GATA4: variants seen among roughly 807,000 people sequenced by gnomAD.
GATA4 encodes GATA binding protein 4, also known as transcription factor GATA-4.
GATA4 carries 7 observed loss-of-function variants against 37.9 expected under a neutral mutation model. The ratio of observed to expected loss-of-function variants is 0.18; its 90% CI spans 0.11 to 0.35. The LOEUF (loss-of-function observed/expected upper bound fraction) is 0.35, where lower values mean the gene tolerates loss of function less well. GATA4 is among the 10% of genes least tolerant of loss of function. The pLI is 1.00. For missense variants in GATA4, 647 were observed against 653.0 expected, an observed-to-expected ratio of 0.99 and a Z score of 0.10; for synonymous variants, 372 against 292.6, an observed-to-expected ratio of 1.27 and a Z score of -2.77.
At chr8:11,735,911 A>G (rs1412640743) in intron 2 of GATA4, among the ~76,000 whole-genome samples, 1 of 132,072 alleles carries the variant, frequency 7.6e-6, no homozygotes, top group African/African-American at 4.2e-5. Context: ...GCCTGTTTGA[A>G]AAAAAAAATT....
rs955705458 is a variant in GATA4, at chr8:11,758,341, G to C, written c.1198G>C (p.Val400Leu). Reference sequence around the variant, plus strand: ...TGGCCATGGGCCCTCCATCCACCCTGTCCTCTCGGCCCTGAAGCTCTCCCC... The same window carrying C: ...TGGCCATGGGCCCTCCATCCACCCTCTCCTCTCGGCCCTGAAGCTCTCCCC... ...MSGHGPSIHP[V>L]LSALKLSPQG... Residue 400 changes from valine to leucine, a missense_variant, in exon 7 of 7, where the codon GTC (valine) becomes CTC (leucine). Physicochemically the swap from Val to Leu is conservative, Grantham distance 32. Transcript: ENST00000532059. The C allele has an allele frequency of 1.2e-6, 2 of 1,614,122 alleles. No individual in the cohort carries two copies. The highest frequency in any genetic ancestry group is 2.7e-5 in the African/African-American group (2 of 75,028).
intron 2 of GATA4, among the ~76,000 whole-genome samples, chr8:11,728,245 T>A (rs918914530): frequency 2.0e-5 from 3 of 152,232 alleles, no homozygotes; most frequent in Non-Finnish European, 4.4e-5. Context: ...GCCCTTGACC[T>A]CCCAAAGTGT....
At chr8:11,714,510 A>G (rs1800351689) in intron 2 of GATA4, among the ~76,000 whole-genome samples, 1 of 152,212 alleles carries the variant, frequency 6.6e-6, no homozygotes, top group Non-Finnish European at 1.5e-5. Context: ...ATCTTCAGGA[A>G]AACCAAAGTT....
intron 4 of GATA4, among the ~76,000 whole-genome samples, chr8:11,752,864 G>A (rs1248959176): frequency 6.6e-6 from 1 of 152,142 alleles, no homozygotes; most frequent in Non-Finnish European, 1.5e-5. Context: ...ATACAAGGAT[G>A]TTTGTTAATC....
rs1319608452 is a variant in GATA4 at position 11,749,276 on chromosome 8, A to C, written c.786+191A>C. On this transcript the variant is annotated intron_variant, in intron 3 of 6. Coordinates refer to ENST00000532059, the MANE Select transcript of GATA4 (RefSeq NM_001308093.3). This position sits in a 1 kb window ranked among gnomAD's most constrained non-coding sequence, Gnocchi z 4.6. Reference sequence around the variant, plus strand: ...CAGAATGATCCAGGCTGTCTAGTTCAACCTCTTCGGCACACAGAAACTGAA... The same window carrying C: ...CAGAATGATCCAGGCTGTCTAGTTCCACCTCTTCGGCACACAGAAACTGAA... Among the ~76,000 whole-genome samples, 1 of 152,248 alleles carries C rather than the reference A, an allele frequency of 6.6e-6. No individual in the cohort carries two copies. Among genetic ancestry groups the C allele is most frequent in the Non-Finnish European group, 1.5e-5 (1 of 68,052 alleles).
upstream of GATA4, among the ~76,000 whole-genome samples, chr8:11,688,526 A>G (rs952013130): frequency 2.7e-5 from 4 of 149,066 alleles, no homozygotes; most frequent in African/African-American, 1.0e-4. Context: ...GCGCGCATGC[A>G]CACACACACA....
At chr8:11,733,602 T>C (rs1801308913) in intron 2 of GATA4, among the ~76,000 whole-genome samples, 1 of 152,242 alleles carries the variant, frequency 6.6e-6, no homozygotes, top group Non-Finnish European at 1.5e-5. Context: ...GAGTAGAATG[T>C]AAGTGTTATG....
chr8:11,725,592 G>A (rs1386245839), intron 2 of GATA4, among the ~76,000 whole-genome samples: 1 of 152,192 alleles, frequency 6.6e-6, no homozygotes, highest in Non-Finnish European at 1.5e-5. Flanking sequence ...CGCAGGCTGG[G>A]GTGAGTCTTG....
chr8:11,694,171 G>T (rs1799432669), intron 1 of GATA4, among the ~76,000 whole-genome samples: 1 of 152,120 alleles, frequency 6.6e-6, no homozygotes, highest in Non-Finnish European at 1.5e-5. Flanking sequence ...GTTCATCCTT[G>T]TATCTACAAG....
At position 11,755,003 on chromosome 8, in the gene GATA4, C is replaced by A. The variant is rs138748973; in HGVS notation, c.913-43C>A. ...TGTCTTTCAATGCTGTAGCAGACTA[C>A]GCAGAAATGGAAAACCCTATATATT... On this transcript the variant is annotated intron_variant, in intron 4 of 6. Transcript: ENST00000532059. 5.4e-6 allele frequency: 8 copies of A among 1,474,796 alleles called. 1 individual carries two copies. Among genetic ancestry groups the A allele is most frequent in the South Asian group, 3.4e-5 (3 of 87,344 alleles). 91.4% of individuals were successfully genotyped at this position (1,474,796 alleles called of 1,614,324 possible).
At chr8:11,720,975 A>G (rs1300242868) in intron 2 of GATA4, among the ~76,000 whole-genome samples, 1 of 152,040 alleles carries the variant, frequency 6.6e-6, no homozygotes, top group African/African-American at 2.4e-5. Context: ...TGTTTCATCC[A>G]TCCACCAGCC....
chr8:11,745,540 C>T (rs1337351961), intron 2 of GATA4, among the ~76,000 whole-genome samples: 2 of 151,672 alleles, frequency 1.3e-5, no homozygotes, highest in Non-Finnish European at 2.9e-5. Context: ...GAGCCGAGAT[C>T]GCAGCACTGT....
intron 1 of GATA4, among the ~76,000 whole-genome samples, chr8:11,682,204 A>G (rs527868995): frequency 2.6e-5 from 4 of 152,350 alleles, no homozygotes; most frequent in Admixed American, 2.6e-4. Context: ...AGAATTTCTT[A>G]AATGTAGAAT....
At chr8:11,680,840 G>A (rs1798943274) in intron 1 of GATA4, 1 of 985,394 alleles carries the variant, frequency 1.0e-6, no homozygotes, top group African/African-American at 1.7e-5. Context: ...TGGGCAGCAA[G>A]ACACATAGCG....
At position 11,726,064 on chromosome 8, in the gene GATA4, C is replaced by T. The variant is rs540303092; in HGVS notation, c.616+17136C>T. Among the ~76,000 whole-genome samples, 25 of 152,338 alleles carry T rather than the reference C, an allele frequency of 1.6e-4. 1 individual carries two copies. In the South Asian group the frequency reaches 5.2e-3, roughly 32 times the overall value. On this transcript the variant is annotated intron_variant, in intron 2 of 6. Transcript: ENST00000532059. ...GGCAAGAATTATGCCACATTTCCTT[C>T]TGGGGTCCGGAATACCATCACCTGG...
intron 1 of GATA4, among the ~76,000 whole-genome samples, chr8:11,682,400 G>T (rs78139285): frequency 6.6e-6 from 1 of 152,102 alleles, no homozygotes; most frequent in Admixed American, 6.5e-5. Context: ...AGAACAATTC[G>T]TCTTTTTTGT....
intron 2 of GATA4, among the ~76,000 whole-genome samples, chr8:11,720,977 C>A: frequency 6.6e-6 from 1 of 152,082 alleles, no homozygotes; most frequent in Non-Finnish European, 1.5e-5. Context: ...TTTCATCCAT[C>A]CACCAGCCAA....
At chr8:11,691,801 C>T (rs961695230), upstream of GATA4, among the ~76,000 whole-genome samples, 1 of 152,150 alleles carries the variant, frequency 6.6e-6, no homozygotes, top group Non-Finnish European at 1.5e-5. Flanking sequence ...CCTCCCTCCT[C>T]TTTCTATGGC....
intron 2 of GATA4, among the ~76,000 whole-genome samples, chr8:11,717,065 G>T (rs576806524): frequency 6.6e-6 from 1 of 152,276 alleles, no homozygotes; most frequent in South Asian, 2.1e-4. Flanking sequence ...AGGCTCTGTT[G>T]GGAAGGAGTA....
Sources: gnomAD v4.1 joint callset for allele counts (sites outside exome capture counted in the v4.1 genomes callset) on GRCh38, gnomAD v4.1.1 for gene constraint, Gnocchi (gnomAD v3.1) non-coding constraint, MANE v1.5 for transcripts, NCBI Gene and HGNC (gene_info 2026-07-23, HGNC 2026-07-21) for gene names.